The following GABBR2 variants were observed in gnomAD, a reference collection of about 807,000 sequenced individuals.
The protein encoded by GABBR2 is G-protein coupled receptor 51.
A neutral mutation model predicts 105.6 loss-of-function variants in GABBR2; 23 were observed. That is an observed-to-expected ratio of 0.22 (90% confidence interval 0.16 to 0.31). The LOEUF (loss-of-function observed/expected upper bound fraction) is 0.31. Among genes scored for constraint, GABBR2 ranks in the 10% least tolerant of loss-of-function variants. GABBR2 has a pLI of 1.00. For missense variants in GABBR2, 734 were observed against 1,245.5 expected, an observed-to-expected ratio of 0.59 and a Z score of 6.18; for synonymous variants, 478 against 499.7, an observed-to-expected ratio of 0.96 and a Z score of 0.58.
At chr9:98,632,330 T>C (rs1053663290) in intron 1 of GABBR2, among the ~76,000 whole-genome samples, 8 of 152,202 alleles carry the variant, frequency 5.3e-5, no homozygotes, top group Admixed American at 3.3e-4. Context: ...GTAGAGATAA[T>C]GTATGTAAAA....
chr9:98,683,771 A>G (rs759801489), intron 1 of GABBR2, among the ~76,000 whole-genome samples: 19 of 152,106 alleles, frequency 1.2e-4, no homozygotes, highest in Non-Finnish European at 2.4e-4. Flanking sequence ...GCACTTTGGG[A>G]GGCCGAGATG....
intron 1 of GABBR2, among the ~76,000 whole-genome samples, chr9:98,691,625 G>A (rs190840699): frequency 6.6e-6 from 1 of 152,340 alleles, no homozygotes; most frequent in Non-Finnish European, 1.5e-5. Flanking sequence ...AAAGGTGACT[G>A]TTTCCCAGGC....
chr9:98,481,305 TCTC>T (rs1826917809), intron 4 of GABBR2, among the ~76,000 whole-genome samples: 1 of 152,152 alleles, frequency 6.6e-6, no homozygotes, highest in Non-Finnish European at 1.5e-5. Flanking sequence ...CCTCCCCTGT[TCTC>T]CTCCCACCAG....
chr9:98,314,614 T>C (rs1312421965), intron 13 of GABBR2, among the ~76,000 whole-genome samples: 1 of 152,142 alleles, frequency 6.6e-6, no homozygotes, highest in South Asian at 2.1e-4. Flanking sequence ...CTGCTCCCGG[T>C]GAGGTAGTAC....
chr9:98,637,779 G>A (rs1390959812), intron 1 of GABBR2, among the ~76,000 whole-genome samples: 1 of 152,188 alleles, frequency 6.6e-6, no homozygotes. Context: ...ACACCCGGAT[G>A]TTAGCCCACC....
intron 7 of GABBR2, among the ~76,000 whole-genome samples, chr9:98,422,321 G>A (rs1348577425): frequency 6.6e-6 from 1 of 152,200 alleles, no homozygotes; most frequent in East Asian, 1.9e-4. Flanking sequence ...TGAAGACAGA[G>A]ACATGGGGCC....
intron 4 of GABBR2, 138 bp downstream of exon 4, chr9:98,496,275 C>T (rs1240899329): frequency 1.5e-6 from 1 of 650,432 alleles, no homozygotes; most frequent in Non-Finnish European, 2.8e-6. Flanking sequence ...TTCCTGGGAG[C>T]TTCTCCTGTC....
At chr9:98,599,293 C>T (rs529669415) in intron 1 of GABBR2, among the ~76,000 whole-genome samples, 42 of 152,248 alleles carry the variant, frequency 2.8e-4, no homozygotes, top group African/African-American at 9.9e-4. Context: ...TATATGTGGG[C>T]TTCTAGCACA....
chr9:98,327,310 G>A (rs77883058), intron 13 of GABBR2, among the ~76,000 whole-genome samples: 6,182 of 152,038 alleles, frequency 0.041, 158 homozygotes, highest in African/African-American at 0.046. Context: ...TTATCCTCTC[G>A]ACTGCTGGTG....
intron 3 of GABBR2, among the ~76,000 whole-genome samples, chr9:98,529,830 A>G (rs1387817139): frequency 6.6e-6 from 1 of 152,096 alleles, no homozygotes; most frequent in Non-Finnish European, 1.5e-5. Context: ...ATGGCTCCCA[A>G]CTGCTGACAG....
chr9:98,613,012 C>A (rs1829528090), intron 1 of GABBR2, among the ~76,000 whole-genome samples: 1 of 152,156 alleles, frequency 6.6e-6, no homozygotes, highest in South Asian at 2.1e-4. Flanking sequence ...TGCCTCAGCC[C>A]ACAGGAAGCT....
chr9:98,374,918 T>C (rs1489682311), intron 11 of GABBR2, among the ~76,000 whole-genome samples: 1 of 152,170 alleles, frequency 6.6e-6, no homozygotes, highest in African/African-American at 2.4e-5. Flanking sequence ...TTGGAGACTC[T>C]CAATGCTGCA....
In GABBR2 at chr9:98,593,749, G is replaced by T. The variant is rs375850050; in HGVS notation, c.322-15677C>A. ...CCCCATGTGCAAACACCCACTGGCC[G>T]CCTGCTCACAGATGAAGGGGGGCTG... On this transcript the variant is annotated intron_variant, in intron 1 of 18. Transcript: ENST00000259455. Among the ~76,000 whole-genome samples the T allele has an allele frequency of 4.8e-4, 73 of 152,258 alleles. 3 individuals are homozygous for T. The South Asian group carries it at 0.015, about 32-fold the overall frequency.
chr9:98,529,534 G>T (rs1195266410), intron 3 of GABBR2, among the ~76,000 whole-genome samples: 1 of 152,164 alleles, frequency 6.6e-6, no homozygotes, highest in Non-Finnish European at 1.5e-5. Flanking sequence ...CAGTGGGTAG[G>T]TTATGGCCAA....
intron 13 of GABBR2, among the ~76,000 whole-genome samples, chr9:98,320,289 C>T (rs564654738): frequency 1.3e-5 from 2 of 151,870 alleles, no homozygotes; most frequent in South Asian, 4.2e-4. Flanking sequence ...TACCATCTCA[C>T]ACCAGTTAGA....
intron 1 of GABBR2, among the ~76,000 whole-genome samples, chr9:98,648,080 G>GTGTGTGTGTGTGTGTGT (rs1830050203): frequency 1.0e-4 from 7 of 68,012 alleles, no homozygotes; most frequent in African/African-American, 4.5e-4. Context: ...AATCATACAG[G>GTGTGTGTGTGTGTGTGT]GTGTGTGTGT....
Position 98,396,874 on chromosome 9 carries a change from T to TC in GABBR2, c.1298-2620dup, listed in dbSNP as rs535893901. On this transcript the variant is annotated intron_variant, in intron 8 of 18. Transcript: ENST00000259455. ...CATGGCACTGAAATAATACTCAGCTTCCCACCGACCGTAATCACCATAATC... is the reference window on the plus strand; with the variant it reads ...CATGGCACTGAAATAATACTCAGCTTCCCCACCGACCGTAATCACCATAATC... Among the ~76,000 whole-genome samples, 30 of 152,106 alleles carry TC rather than the reference T, an allele frequency of 2.0e-4. No homozygotes were observed. In the South Asian group the frequency reaches 5.8e-3, roughly 30 times the overall value.
At chr9:98,676,720 C>T (rs556379595) in intron 1 of GABBR2, among the ~76,000 whole-genome samples, 1 of 152,296 alleles carries the variant, frequency 6.6e-6, no homozygotes, top group South Asian at 2.1e-4. Context: ...AACTCAGATC[C>T]CTGAATGACC....
chr9:98,659,924 T>A (rs1294094311), intron 1 of GABBR2, among the ~76,000 whole-genome samples: 1 of 152,218 alleles, frequency 6.6e-6, no homozygotes, highest in Admixed American at 6.5e-5. Flanking sequence ...AGAAACTCCA[T>A]TAAACTGTTA....
Sources: allele counts gnomAD v4.1 joint callset (sites outside exome capture counted in the v4.1 genomes callset), GRCh38; gene constraint gnomAD v4.1.1; transcripts MANE v1.5; gene names NCBI Gene and HGNC (gene_info 2026-07-23, HGNC 2026-07-21).